AFAP1: variants seen among roughly 807,000 people sequenced by gnomAD.
AFAP1 encodes actin filament associated protein 1.
AFAP1 carries 75 observed loss-of-function variants against 93.9 expected under a neutral mutation model. The ratio of observed to expected loss-of-function variants is 0.80; its 90% CI spans 0.66 to 0.97. The LOEUF (loss-of-function observed/expected upper bound fraction) is 0.97, where lower values mean the gene tolerates loss of function less well. Among genes scored for constraint, AFAP1 ranks in the 50% least tolerant of loss-of-function variants. The pLI, the probability that AFAP1 is intolerant of heterozygous loss-of-function variation, is 0.00. For synonymous variants in AFAP1, 517 were observed against 430.7 expected (o/e 1.20, Z -2.48); for missense variants, 1,201 against 1,050.8 (o/e 1.14, Z -1.98).
At chr4:7,788,375 C>T (rs1236774014) in intron 11 of AFAP1, among the ~76,000 whole-genome samples, 3 of 152,370 alleles carry the variant, frequency 2.0e-5, no homozygotes, top group East Asian at 1.9e-4. Context: ...GGGCTTGGGG[C>T]TCCGGGCTGG....
intron 1 of AFAP1, among the ~76,000 whole-genome samples, chr4:7,916,427 C>T (rs917784039): frequency 6.6e-6 from 1 of 152,182 alleles, no homozygotes; most frequent in African/African-American, 2.4e-5. Context: ...TCACTTGCGT[C>T]TCAAAAAGCT....
At chr4:7,797,172 G>C (rs1718508799) in intron 10 of AFAP1, among the ~76,000 whole-genome samples, 1 of 152,310 alleles carries the variant, frequency 6.6e-6, no homozygotes, top group African/African-American at 2.4e-5. Context: ...GTCGATGCTA[G>C]CTAATAAATG....
rs1321272682 is a variant in AFAP1 at position 7,800,650 on chromosome 4, T to A, written c.1058A>T (p.Tyr353Phe). ...SAEEDVPTCG[Y>F]LNVLSNSRWR... ...GCGGCTGTTGGAGAGCACGTTCAGATAGCCTGCGGAGACACAAGGCCACAG... is the reference window on the plus strand; with the variant it reads ...GCGGCTGTTGGAGAGCACGTTCAGAAAGCCTGCGGAGACACAAGGCCACAG... Residue 353 changes from tyrosine (Y) to phenylalanine (F), a missense_variant, in exon 10 of 18, where the codon TAT becomes TTT. Tyr to Phe is a conservative substitution (Grantham distance 22, BLOSUM62 3). Coordinates refer to ENST00000420658, the MANE Select transcript of AFAP1 (RefSeq NM_001134647.2). 1 of 1,614,176 alleles carries A rather than the reference T, an allele frequency of 6.2e-7. No individual in the cohort carries two copies. The highest frequency in any genetic ancestry group is 1.1e-5 in the South Asian group (1 of 91,072).
intron 6 of AFAP1, among the ~76,000 whole-genome samples, chr4:7,828,711 G>C (rs1356147222): frequency 1.3e-5 from 2 of 152,196 alleles, no homozygotes; most frequent in African/African-American, 4.8e-5. Context: ...AATAGCTCTA[G>C]AAAGCAGATA....
intron 10 of AFAP1, among the ~76,000 whole-genome samples, chr4:7,798,089 T>G (rs1036150656): frequency 1.0e-5 from 1 of 99,324 alleles, no homozygotes; most frequent in Non-Finnish European, 2.1e-5. Flanking sequence ...CTCTATTGGC[T>G]GGCTCACGGC....
chr4:7,900,974 G>T (rs1719081814), intron 1 of AFAP1, among the ~76,000 whole-genome samples: 2 of 152,150 alleles, frequency 1.3e-5, no homozygotes. Context: ...AAACAGCTTT[G>T]GGCTAGGGAA....
chr4:7,861,365 G>A (rs1434477722), intron 3 of AFAP1, among the ~76,000 whole-genome samples: 1 of 152,114 alleles, frequency 6.6e-6, no homozygotes, highest in Non-Finnish European at 1.5e-5. Flanking sequence ...AGGAAACTGA[G>A]GATAATAAAA....
chr4:7,844,866 T>A (rs1428682701), intron 4 of AFAP1, among the ~76,000 whole-genome samples: 1 of 152,206 alleles, frequency 6.6e-6, no homozygotes, highest in African/African-American at 2.4e-5. Flanking sequence ...GGAACACGTT[T>A]CTTTTTCAAA....
At chr4:7,830,158 G>A (rs1474535138) in intron 6 of AFAP1, among the ~76,000 whole-genome samples, 1 of 152,074 alleles carries the variant, frequency 6.6e-6, no homozygotes, top group Non-Finnish European at 1.5e-5. Flanking sequence ...GGCGGGGCGA[G>A]GGGGAAGCAG....
At chr4:7,786,454 G>A in intron 11 of AFAP1, 143 bp from the exon 12 acceptor site, 2 of 701,080 alleles carry the variant, frequency 2.9e-6, no homozygotes, top group Non-Finnish European at 2.5e-6. Context: ...CAGAATCTCG[G>A]CAGAAATGAG....
intron 16 of AFAP1, among the ~76,000 whole-genome samples, chr4:7,771,068 G>C (rs1345992577): frequency 6.6e-6 from 1 of 152,234 alleles, no homozygotes; most frequent in African/African-American, 2.4e-5. Flanking sequence ...CTCCTCCTCA[G>C]CACTGTTTCA....
chr4:7,935,980 A>T (rs1191173172), intron 1 of AFAP1, among the ~76,000 whole-genome samples: 7 of 152,228 alleles, frequency 4.6e-5, no homozygotes, highest in Non-Finnish European at 7.3e-5. Context: ...AAAACCATAA[A>T]GAAAATCTGG....
intron 1 of AFAP1, among the ~76,000 whole-genome samples, chr4:7,892,890 A>G (rs1030413148): frequency 1.3e-5 from 2 of 152,112 alleles, no homozygotes; most frequent in African/African-American, 4.8e-5. Context: ...GGATGAAAAT[A>G]CCCTCCTTGA....
intron 6 of AFAP1, among the ~76,000 whole-genome samples, chr4:7,821,816 G>T (rs1720995332): frequency 6.6e-6 from 1 of 152,160 alleles, no homozygotes; most frequent in South Asian, 2.1e-4. Flanking sequence ...AAGAGACCAG[G>T]ATAGTGTTTC....
In AFAP1 at chr4:7,824,758, G is replaced by A. The variant is rs118174179; in HGVS notation, c.727-5587C>T. On this transcript the variant is annotated intron_variant, in intron 6 of 17. Coordinates refer to ENST00000420658, the MANE Select transcript of AFAP1 (RefSeq NM_001134647.2). ...TGGAGGCCGGGAAGGCTGAGGGAAC[G>A]GGAGGAAGGGGGATGGCGAGAAATT... is the stretch of plus-strand genomic sequence containing the variant. Among the ~76,000 whole-genome samples, 40 of 152,274 alleles carry A rather than the reference G, an allele frequency of 2.6e-4. No homozygotes were observed. In the East Asian group the frequency reaches 6.0e-3, roughly 23 times the overall value.
In AFAP1 at chr4:7,939,257, C is replaced by G. The variant is rs1721580567; in HGVS notation, c.-3+399G>C. ...CCCTCGGTAAGTCGGACGAAGCAGT[C>G]TCGCTACGGGGGAGGGCGGCGGAGC... On this transcript the variant is annotated intron_variant, in intron 1 of 17. Transcript: ENST00000420658. This position sits in a 1 kb window ranked among gnomAD's most constrained non-coding sequence, Gnocchi z 5.6. The G allele has an allele frequency of 3.4e-6, 1 of 294,798 alleles. No individual in the cohort carries two copies. The highest frequency in any genetic ancestry group is 2.6e-5 in the South Asian group (1 of 38,254). 18.3% of individuals were successfully genotyped at this position (294,798 alleles called of 1,614,324 possible).
intron 3 of AFAP1, among the ~76,000 whole-genome samples, chr4:7,863,488 A>T (rs1006996809): frequency 6.6e-6 from 1 of 152,232 alleles, no homozygotes; most frequent in African/African-American, 2.4e-5. Flanking sequence ...CAGTTTTTTG[A>T]ATAGATGCAT....
intron 1 of AFAP1, among the ~76,000 whole-genome samples, chr4:7,903,797 G>A (rs1476225943): frequency 6.6e-6 from 1 of 152,200 alleles, no homozygotes; most frequent in East Asian, 1.9e-4. Flanking sequence ...CTGGATCCTT[G>A]TCCCTCACAA....
At chr4:7,927,866 C>T (rs534651229) in intron 1 of AFAP1, among the ~76,000 whole-genome samples, 1 of 152,088 alleles carries the variant, frequency 6.6e-6, no homozygotes, top group Non-Finnish European at 1.5e-5. Flanking sequence ...ATAAAGTTGC[C>T]CCAAACACAT....
Sources: allele counts gnomAD v4.1 joint callset (sites outside exome capture counted in the v4.1 genomes callset), GRCh38; gene constraint gnomAD v4.1.1; non-coding constraint Gnocchi (gnomAD v3.1); transcripts MANE v1.5; gene names NCBI Gene and HGNC (gene_info 2026-07-23, HGNC 2026-07-21).